Variants in TBKBP1 observed in about 807,000 individuals in gnomAD.
The protein encoded by TBKBP1 is TBK1 binding protein 1.
In TBKBP1, 47 loss-of-function variants were observed where a neutral mutation model predicts 69.9. That is an observed-to-expected ratio of 0.67 (90% CI 0.53 to 0.86). The LOEUF is 0.86. Among genes scored for constraint, TBKBP1 ranks in the 40% least tolerant of loss-of-function variants. TBKBP1 has a pLI of 0.00. For synonymous variants in TBKBP1, 418 were observed against 390.3 expected (o/e 1.07, Z -0.84); for missense variants, 831 against 858.6 (o/e 0.97, Z 0.40).
intron 1 of TBKBP1, chr17:47,695,710 A>C: frequency 3.0e-5 from 5 of 166,650 alleles, no homozygotes; most frequent in Admixed American, 6.0e-5. Context: ...TTGGGGAAGT[A>C]AGGCCTGGGG....
At chr17:47,706,235 C>T (rs1387831330) in intron 7 of TBKBP1, among the ~76,000 whole-genome samples, 1 of 152,148 alleles carries the variant, frequency 6.6e-6, no homozygotes, top group African/African-American at 2.4e-5. Flanking sequence ...CCAGAGCCCT[C>T]TCCTTCCCCT....
At chr17:47,697,859 G>GGATC (rs946504988) in intron 4 of TBKBP1, among the ~76,000 whole-genome samples, 6 of 151,158 alleles carry the variant, frequency 4.0e-5, no homozygotes, top group African/African-American at 1.5e-4. Flanking sequence ...TGAGGTGGGA[G>GGATC]GATCGCTTTA....
chr17:47,709,336 C>G lies in TBKBP1; in HGVS notation c.1603C>G (p.Pro535Ala). 1.3e-6 allele frequency: 2 copies of G among 1,527,022 alleles called. No homozygotes were observed. Among genetic ancestry groups the G allele is most frequent in the South Asian group, 2.4e-5 (2 of 83,312 alleles). 94.6% of individuals were successfully genotyped at this position (1,527,022 alleles called of 1,614,324 possible). The part of the protein sequence containing the change: ...EWAVPTSPPS[P>A]EVGTIRCASF... ...GGCTGTGCCCACCAGCCCGCCCAGC[C>G]CGGAGGTGGGCACCATCCGCTGCGC... The change falls in exon 9 of 10, where the codon CCG (proline) becomes GCG (alanine). Residue 535 changes from proline (P) to alanine (A), a missense_variant. Pro to Ala is a conservative substitution (Grantham distance 27, BLOSUM62 -1). Coordinates refer to ENST00000578982, the MANE Select transcript of TBKBP1 (RefSeq NM_001394755.1).
chr17:47,700,289 CTTTTTTTTTTTT>C (rs774797034), intron 7 of TBKBP1, among the ~76,000 whole-genome samples: 79 of 41,464 alleles, frequency 1.9e-3, no homozygotes, highest in Non-Finnish European at 2.7e-3. Context: ...GCGCCCGGAC[CTTTTTTTTTTTT>C]TTTTTTTTTT....
chr17:47,706,264 C>A (rs567612470), intron 7 of TBKBP1, among the ~76,000 whole-genome samples: 1 of 152,154 alleles, frequency 6.6e-6, no homozygotes, highest in Non-Finnish European at 1.5e-5. Flanking sequence ...GGAGATAGCA[C>A]GATCCTGCCC....
In TBKBP1 at chr17:47,696,720, A is replaced by C; in HGVS notation, c.235A>C (p.Ile79Leu). The change falls in exon 3 of 10, where the codon ATC becomes CTC. Residue 79 changes from isoleucine (I) to leucine (L), a missense_variant. Ile to Leu is a conservative substitution (Grantham distance 5, BLOSUM62 2). Transcript: ENST00000578982. ...TCCACCCCACCTGCAGTACCCACTGATCAGTGACTTTGGAGAGGAGCATGG... is the reference window on the plus strand; with the variant it reads ...TCCACCCCACCTGCAGTACCCACTGCTCAGTGACTTTGGAGAGGAGCATGG... ...LKVYEIKYPL[I>L]SDFGEEHGFS... 6.2e-7 allele frequency: 1 copy of C among 1,613,926 alleles called. No individual in the cohort carries two copies. Among genetic ancestry groups the C allele is most frequent in the East Asian group, 2.2e-5 (1 of 44,874 alleles).
Position 47,709,109 on chromosome 17 carries a change from G to T in TBKBP1, c.1376G>T (p.Arg459Leu), listed in dbSNP as rs1433766549. The change falls in exon 9 of 10, where the codon CGC (arginine) becomes CTC (leucine). Residue 459 changes from arginine to leucine, a missense_variant. Transcript: ENST00000578982. ...CACGTGAAGGCCGGCTTCCAGGGCCGCCGCAGCTACTCTGAGCTGGCGGAG... is the reference window on the plus strand; with the variant it reads ...CACGTGAAGGCCGGCTTCCAGGGCCTCCGCAGCTACTCTGAGCTGGCGGAG... ...SHHVKAGFQG[R>L]RSYSELAEGA... 7.3e-6 allele frequency: 10 copies of T among 1,364,506 alleles called. No individual in the cohort carries two copies. Among genetic ancestry groups the T allele is most frequent in the East Asian group, 3.3e-5 (1 of 30,520 alleles). 84.5% of individuals were successfully genotyped at this position (1,364,506 alleles called of 1,614,324 possible). A position where few individuals can be genotyped will look rare whatever the true frequency, so the allele number is the denominator to read the frequency against.
At chr17:47,694,143 G>C (rs2031105657), upstream of TBKBP1, 7 of 149,576 alleles carry the variant, frequency 4.7e-5, no homozygotes, top group Admixed American at 4.7e-4. Flanking sequence ...GTTTGGGGAG[G>C]GAGCAGGCGG....
At position 47,699,304 on chromosome 17, in the gene TBKBP1, T is replaced by C; in HGVS notation, c.635-16T>C. 1.3e-6 allele frequency: 2 copies of C among 1,511,062 alleles called. 1 individual carries two copies. Among genetic ancestry groups the C allele is most frequent in the South Asian group, 2.7e-5 (2 of 74,868 alleles). 93.6% of individuals were successfully genotyped at this position (1,511,062 alleles called of 1,614,324 possible). The stretch of plus-strand genomic sequence containing the variant: ...AGGCAGCTGAGCTCGCCTGACGTTG[T>C]CCTGTCCACCGACAGCAGGCTGGCC... On this transcript the variant is annotated splice_polypyrimidine_tract_variant and intron_variant, in intron 5 of 9. Coordinates refer to ENST00000578982, the MANE Select transcript of TBKBP1 (RefSeq NM_001394755.1).
chr17:47,696,991 G>A (rs907200437), intron 3 of TBKBP1, 98 bp from the exon 4 acceptor site: 1 of 1,514,328 alleles, frequency 6.6e-7, no homozygotes, highest in Non-Finnish European at 8.9e-7. Context: ...CCCCTCCATA[G>A]GGTGCTGGGA....
At chr17:47,709,548 G>T in intron 9 of TBKBP1, 96 bp downstream of exon 9, 1 of 1,387,330 alleles carries the variant, frequency 7.2e-7, no homozygotes, top group Non-Finnish European at 9.3e-7. Flanking sequence ...CCCCTTTCGG[G>T]TGTCAGCGCA....
chr17:47,704,417 C>T (rs966064702), intron 7 of TBKBP1, among the ~76,000 whole-genome samples: 2 of 152,210 alleles, frequency 1.3e-5, no homozygotes, highest in Non-Finnish European at 2.9e-5. Flanking sequence ...TGCCTGTGGT[C>T]CCCTCCCCGA....
Position 47,710,830 on chromosome 17 carries a change from C to G in TBKBP1, c.*204C>G, listed in dbSNP as rs2031899949. ...GCTCTTCCTGGGAGGTCAGCCGAGGCTCCCCCCATGCTCCTGGTTTCTGCT... is the reference window on the plus strand; with the variant it reads ...GCTCTTCCTGGGAGGTCAGCCGAGGGTCCCCCCATGCTCCTGGTTTCTGCT... On this transcript the variant is annotated 3_prime_UTR_variant, in exon 10 of 10. Transcript: ENST00000578982. 2 of 650,066 alleles carry G rather than the reference C, an allele frequency of 3.1e-6. No homozygotes were observed. Among genetic ancestry groups the G allele is most frequent in the Non-Finnish European group, 4.8e-6 (2 of 414,350 alleles). 40.3% of individuals were successfully genotyped at this position (650,066 alleles called of 1,614,324 possible). A position where few individuals can be genotyped will look rare whatever the true frequency, so the allele number is the denominator to read the frequency against.
At position 47,697,149 on chromosome 17, in the gene TBKBP1, C is replaced by A; in HGVS notation, c.409C>A (p.Leu137Ile). Residue 137 changes from leucine to isoleucine, a missense_variant, in exon 4 of 10, where the codon CTC (leucine) becomes ATC (isoleucine). Coordinates refer to ENST00000578982, the MANE Select transcript of TBKBP1 (RefSeq NM_001394755.1). ...AGAGATGATCCAGGCCTACGAGAAA[C>A]TCTGCGTGGAGAAGAGTGACTTGGA... ...LGEMIQAYEK[L>I]CVEKSDLETE... 6.2e-7 allele frequency: 1 copy of A among 1,613,340 alleles called. No homozygotes were observed. Among genetic ancestry groups the A allele is most frequent in the Non-Finnish European group, 8.5e-7 (1 of 1,179,596 alleles).
chr17:47,703,486 TA>T (rs916532209), intron 7 of TBKBP1, among the ~76,000 whole-genome samples: 6 of 152,196 alleles, frequency 3.9e-5, no homozygotes, highest in African/African-American at 1.4e-4. Flanking sequence ...TCACAGGAGT[TA>T]ACCCCTGAGC....
At chr17:47,694,622 C>T (rs1057413559) in intron 1 of TBKBP1, 7 of 152,324 alleles carry the variant, frequency 4.6e-5, no homozygotes, top group Admixed American at 4.6e-4. Flanking sequence ...CTCACCCGGG[C>T]GCTGGGCCCA....
In TBKBP1 at chr17:47,710,974, G is replaced by C. The variant is rs1303230984; in HGVS notation, c.*348G>C. 2 of 190,126 alleles carry C rather than the reference G, an allele frequency of 1.1e-5. No individual in the cohort carries two copies. Among genetic ancestry groups the C allele is most frequent in the African/African-American group, 4.7e-5 (2 of 42,786 alleles). The allele number at this position is 190,126 out of a possible 1,614,324, so 11.8% of individuals were successfully genotyped here. A position where few individuals can be genotyped will look rare whatever the true frequency, so the allele number is the denominator to read the frequency against. Reference sequence around the variant, plus strand: ...AAGGTGTCCAGTGCTTGGGCCTGGGGTGGGGGGAAGGTGTTAGAGGACTCC... The same window carrying C: ...AAGGTGTCCAGTGCTTGGGCCTGGGCTGGGGGGAAGGTGTTAGAGGACTCC... On this transcript the variant is annotated 3_prime_UTR_variant, in exon 10 of 10. Transcript: ENST00000578982.
rs1035095937 is a variant in TBKBP1 at position 47,698,585 on chromosome 17, C to T, written c.454-10C>T. ...CCTGTGCAGACCCTCCCCTCTGTCT[C>T]TCTCTCCAGAGGGCCCTGGTGGAGA... is the stretch of plus-strand genomic sequence containing the variant. On this transcript the variant is annotated splice_polypyrimidine_tract_variant and intron_variant, in intron 4 of 9. Coordinates refer to ENST00000578982, the MANE Select transcript of TBKBP1 (RefSeq NM_001394755.1). 17 of 1,577,008 alleles carry T rather than the reference C, an allele frequency of 1.1e-5. No homozygotes were observed. The African/African-American group carries it at 2.3e-4, about 21-fold the overall frequency.
At chr17:47,694,833 C>G (rs1243052123) in intron 1 of TBKBP1, among the ~76,000 whole-genome samples, 1 of 148,506 alleles carries the variant, frequency 6.7e-6, no homozygotes, top group Non-Finnish European at 1.5e-5. Context: ...ACACTCCTTA[C>G]TCAGACCCAG....
Sources: gnomAD v4.1 joint callset for allele counts (sites outside exome capture counted in the v4.1 genomes callset) on GRCh38, gnomAD v4.1.1 for gene constraint, MANE v1.5 for transcripts, NCBI Gene and HGNC (gene_info 2026-07-23, HGNC 2026-07-21) for gene names.